The following LRBA variants were observed in gnomAD, a reference collection of about 807,000 sequenced individuals.
LRBA encodes the protein LPS responsive beige-like anchor protein.
LRBA carries 176 observed loss-of-function variants against 330.0 expected under a neutral mutation model. That is an observed-to-expected ratio of 0.53 (90% CI 0.47 to 0.60). The LOEUF (loss-of-function observed/expected upper bound fraction) is 0.60, where lower values mean the gene tolerates loss of function less well. Among genes scored for constraint, LRBA ranks in the 20% least tolerant of loss-of-function variants. The pLI is 0.00. For missense variants in LRBA, 3,259 were observed against 3,444.8 expected (o/e 0.95, Z 1.35); for synonymous variants, 1,230 against 1,193.0 (o/e 1.03, Z -0.64).
intron 37 of LRBA, among the ~76,000 whole-genome samples, chr4:150,649,349 A>G (rs1207270194): frequency 6.6e-6 from 1 of 152,054 alleles, no homozygotes; most frequent in African/African-American, 2.4e-5. Context: ...TTTCTCACCA[A>G]TCTGGTTTAC....
At chr4:151,008,381 T>A (rs550765418) in intron 2 of LRBA, among the ~76,000 whole-genome samples, 1 of 152,206 alleles carries the variant, frequency 6.6e-6, no homozygotes, top group South Asian at 2.1e-4. Flanking sequence ...GCACCCAGCC[T>A]AAAATTAGTG....
chr4:150,464,084 G>A (rs1002543240), intron 44 of LRBA, among the ~76,000 whole-genome samples: 2 of 150,874 alleles, frequency 1.3e-5, no homozygotes, highest in South Asian at 2.1e-4. Context: ...AGTCCAGCCC[G>A]AGTCCAGCCC....
chr4:150,761,888 C>T, intron 34 of LRBA, 41 bp from the exon 35 acceptor site: 1 of 985,794 alleles, frequency 1.0e-6, no homozygotes, highest in Non-Finnish European at 1.5e-6. Context: ...AAATGTCACT[C>T]AGTAGGTTCT....
At chr4:150,753,145 T>C (rs1362654968) in intron 35 of LRBA, among the ~76,000 whole-genome samples, 1 of 152,210 alleles carries the variant, frequency 6.6e-6, no homozygotes, top group Middle Eastern at 3.2e-3. Flanking sequence ...AACACTGCAA[T>C]GTCCTCTGTA....
chr4:150,432,565 C>G (rs1290625087), intron 46 of LRBA, among the ~76,000 whole-genome samples: 1 of 144,192 alleles, frequency 6.9e-6, no homozygotes, highest in African/African-American at 2.6e-5. Flanking sequence ...TCACGCCATT[C>G]TCCTGCCTCA....
chr4:150,915,512 T>C (rs1732486619), intron 8 of LRBA, 96 bp downstream of exon 8: 2 of 1,134,598 alleles, frequency 1.8e-6, no homozygotes, highest in African/African-American at 1.6e-5. Context: ...TTGTAATACT[T>C]TGAATTTTAT....
intron 46 of LRBA, among the ~76,000 whole-genome samples, chr4:150,417,465 G>A (rs921753239): frequency 6.6e-6 from 1 of 152,088 alleles, no homozygotes; most frequent in African/African-American, 2.4e-5. Flanking sequence ...GGAGGAACAT[G>A]CTTTCCTTGT....
chr4:150,997,581 GA>G (rs924450125), intron 2 of LRBA, among the ~76,000 whole-genome samples: 23 of 150,306 alleles, frequency 1.5e-4, no homozygotes, highest in Non-Finnish European at 3.0e-4. Flanking sequence ...TGCCTAAGGG[GA>G]AAAAAAAAGA....
At chr4:150,504,925 C>A (rs1198898238) in intron 40 of LRBA, among the ~76,000 whole-genome samples, 1 of 152,110 alleles carries the variant, frequency 6.6e-6, no homozygotes, top group Non-Finnish European at 1.5e-5. Context: ...GGGTTGCAAT[C>A]CTAGTCTCTG....
chr4:150,664,348 A>G (rs1358956242), intron 37 of LRBA, among the ~76,000 whole-genome samples: 1 of 152,194 alleles, frequency 6.6e-6, no homozygotes, highest in East Asian at 1.9e-4. Context: ...TCTCTTTTCA[A>G]TGAATACCTA....
intron 2 of LRBA, among the ~76,000 whole-genome samples, chr4:150,944,047 T>C (rs1735974592): frequency 6.6e-6 from 1 of 152,312 alleles, no homozygotes; most frequent in African/African-American, 2.4e-5. Flanking sequence ...AAGCAAGTCC[T>C]CTAGTCCCAG....
Position 150,635,332 on chromosome 4 carries a change from G to A in LRBA, c.5922-36201C>T, listed in dbSNP as rs12508317. On this transcript the variant is annotated intron_variant, in intron 37 of 56. Transcript: ENST00000651943. The stretch of plus-strand genomic sequence containing the variant: ...TCTCATAAGACTGCGTTTTCAAACT[G>A]TTTAATAACATTTCCATTTTGCTTA... Among the ~76,000 whole-genome samples, 67 of 152,264 alleles carry A rather than the reference G, an allele frequency of 4.4e-4. 1 individual carries two copies. The highest frequency in any genetic ancestry group is 3.9e-3 in the Admixed American group (59 of 15,298).
intron 13 of LRBA, among the ~76,000 whole-genome samples, 171 bp from the exon 14 acceptor site, chr4:150,900,388 C>T (rs1730590719): frequency 6.6e-6 from 1 of 152,138 alleles, no homozygotes; most frequent in South Asian, 2.1e-4. Flanking sequence ...CAAGCACATG[C>T]ACACACACTC....
In LRBA at chr4:150,458,898, C is replaced by A. The variant is rs116458714; in HGVS notation, c.6780+8775G>T. 7.1e-3 allele frequency among the ~76,000 whole-genome samples: 1,074 copies of A among 151,364 alleles called. 11 individuals carry two copies. Among genetic ancestry groups the A allele is most frequent in the African/African-American group, 0.025 (1,030 of 41,254 alleles). On this transcript the variant is annotated intron_variant, in intron 44 of 56. Coordinates refer to ENST00000651943, the MANE Select transcript of LRBA (RefSeq NM_001364905.1). ...TGTCATCTTTCACATTAGAGGTTGT[C>A]TTTAAATGTTTGCTAATACTTGGCT...
chr4:150,954,149 G>C (rs1190216489), intron 2 of LRBA, among the ~76,000 whole-genome samples: 2 of 149,642 alleles, frequency 1.3e-5, no homozygotes, highest in African/African-American at 2.5e-5. Context: ...GGGGAGGTGG[G>C]GGGCAGCCCC....
chr4:150,914,370 G>T, intron 8 of LRBA, 29 bp from the exon 9 acceptor site: 1 of 1,440,370 alleles, frequency 6.9e-7, no homozygotes, highest in South Asian at 1.6e-5. Context: ...AAGGAATTAG[G>T]AAAAAACAAA....
chr4:150,885,895 T>C (rs962114947), intron 17 of LRBA, among the ~76,000 whole-genome samples: 2 of 152,124 alleles, frequency 1.3e-5, no homozygotes, highest in Non-Finnish European at 2.9e-5. Context: ...TATTCTGAGA[T>C]GAACAAAGAC....
intron 53 of LRBA, among the ~76,000 whole-genome samples, chr4:150,293,002 AG>A (rs773389482): frequency 1.1e-4 from 16 of 152,290 alleles, no homozygotes; most frequent in Non-Finnish European, 8.8e-5. Context: ...TTATAAAAAA[AG>A]TAATAATTTC....
chr4:150,650,080 T>C (rs1194097898), intron 37 of LRBA, among the ~76,000 whole-genome samples: 1 of 152,220 alleles, frequency 6.6e-6, no homozygotes, highest in African/African-American at 2.4e-5. Context: ...TCCTTTAGAA[T>C]AGATATTGTT....
Sources: gnomAD v4.1 joint callset for allele counts (sites outside exome capture counted in the v4.1 genomes callset) on GRCh38, gnomAD v4.1.1 for gene constraint, MANE v1.5 for transcripts, NCBI Gene and HGNC (gene_info 2026-07-23, HGNC 2026-07-21) for gene names.